The following ADAMTS19 variants were observed in gnomAD, a reference collection of about 807,000 sequenced individuals.
The protein encoded by ADAMTS19 is A disintegrin and metalloproteinase with thrombospondin motifs 19.
A neutral mutation model predicts 153.3 loss-of-function variants in ADAMTS19; 93 were observed. The ratio of observed to expected loss-of-function variants is 0.61; its 90% confidence interval spans 0.51 to 0.72. ADAMTS19 has a LOEUF of 0.72. Ranked by LOEUF, ADAMTS19 falls within the 30% of genes least tolerant of loss-of-function variation. ADAMTS19 has a pLI of 0.00. For missense variants in ADAMTS19, 1,482 were observed against 1,552.1 expected, an observed-to-expected ratio of 0.95 and a Z score of 0.76; for synonymous variants, 600 against 556.6, an observed-to-expected ratio of 1.08 and a Z score of -1.10.
At chr5:129,478,146 A>G (rs956792441) in intron 2 of ADAMTS19, among the ~76,000 whole-genome samples, 1 of 152,214 alleles carries the variant, frequency 6.6e-6, no homozygotes, top group African/African-American at 2.4e-5. Flanking sequence ...TTTGTAGAAA[A>G]CAGCTGACCG....
intron 6 of ADAMTS19, among the ~76,000 whole-genome samples, chr5:129,551,393 A>G (rs891607914): frequency 1.3e-5 from 2 of 151,720 alleles, no homozygotes; most frequent in African/African-American, 2.4e-5. Context: ...TAATAAAATG[A>G]TTATCAGTCT....
chr5:129,615,666 AAG>A (rs1418101506), intron 8 of ADAMTS19, among the ~76,000 whole-genome samples: 5 of 152,028 alleles, frequency 3.3e-5, no homozygotes, highest in Non-Finnish European at 5.9e-5. Context: ...AGCATGGTTT[AAG>A]AGGCAAAGAG....
chr5:129,466,988 G>A (rs1457155094), intron 2 of ADAMTS19, among the ~76,000 whole-genome samples: 1 of 152,112 alleles, frequency 6.6e-6, no homozygotes, highest in African/African-American at 2.4e-5. Flanking sequence ...CAAAATTATA[G>A]CAAAATTTTT....
chr5:129,651,853 T>C (rs2127049786), intron 13 of ADAMTS19, among the ~76,000 whole-genome samples: 1 of 152,308 alleles, frequency 6.6e-6, no homozygotes, highest in Non-Finnish European at 1.5e-5. Context: ...GCCAGTAACT[T>C]TTTATTATAA....
chr5:129,638,576 T>TA (rs989659889), intron 10 of ADAMTS19, among the ~76,000 whole-genome samples: 1 of 75,794 alleles, frequency 1.3e-5, no homozygotes, highest in Non-Finnish European at 2.6e-5. Context: ...CACACACACA[T>TA]ACACACACAC....
At chr5:129,564,498 A>C (rs1753636449) in intron 7 of ADAMTS19, among the ~76,000 whole-genome samples, 1 of 152,212 alleles carries the variant, frequency 6.6e-6, no homozygotes, top group Non-Finnish European at 1.5e-5. Context: ...AATAAGAAGG[A>C]AGAAAATGTT....
chr5:129,612,771 A>T (rs947302660), intron 8 of ADAMTS19, among the ~76,000 whole-genome samples: 3 of 152,168 alleles, frequency 2.0e-5, no homozygotes, highest in African/African-American at 7.2e-5. Context: ...AAGACCCATC[A>T]GTGTGCTGTA....
At chr5:129,671,782 C>G (rs1754313130) in intron 16 of ADAMTS19, among the ~76,000 whole-genome samples, 1 of 151,938 alleles carries the variant, frequency 6.6e-6, no homozygotes, top group Non-Finnish European at 1.5e-5. Context: ...TCAGATAGAC[C>G]TATGTTATAT....
At chr5:129,582,185 G>T (rs746450133) in intron 7 of ADAMTS19, among the ~76,000 whole-genome samples, 2 of 147,706 alleles carry the variant, frequency 1.4e-5, no homozygotes, top group African/African-American at 2.5e-5. Flanking sequence ...ATCTAGTATT[G>T]CCAGTGGGAT....
intron 6 of ADAMTS19, among the ~76,000 whole-genome samples, chr5:129,537,217 C>A (rs1236986996): frequency 6.6e-6 from 1 of 152,004 alleles, no homozygotes; most frequent in Non-Finnish European, 1.5e-5. Flanking sequence ...AAATCAAAAC[C>A]ACAATGAGAT....
At chr5:129,592,254 C>G (rs1376983316) in intron 7 of ADAMTS19, among the ~76,000 whole-genome samples, 3 of 151,674 alleles carry the variant, frequency 2.0e-5, no homozygotes, top group Admixed American at 1.3e-4. Context: ...GTGGCAGGTG[C>G]CTGTAATCCC....
intron 18 of ADAMTS19, among the ~76,000 whole-genome samples, chr5:129,687,410 C>G (rs1169145964): frequency 6.6e-6 from 1 of 152,144 alleles, no homozygotes; most frequent in Non-Finnish European, 1.5e-5. Context: ...GAAGCTGCAT[C>G]AGAAGGAGTT....
At chr5:129,462,611 GTGT>G (rs1749716501) in intron 2 of ADAMTS19, among the ~76,000 whole-genome samples, 3 of 149,530 alleles carry the variant, frequency 2.0e-5, no homozygotes, top group Admixed American at 6.6e-5. Context: ...GTGTGTGTGT[GTGT>G]GTGGGGGGGT....
At chr5:129,655,594 T>C (rs1363990258) in intron 14 of ADAMTS19, among the ~76,000 whole-genome samples, 1 of 152,180 alleles carries the variant, frequency 6.6e-6, no homozygotes, top group African/African-American at 2.4e-5. Flanking sequence ...CCTTTGAGAA[T>C]TTGATGAATT....
intron 7 of ADAMTS19, among the ~76,000 whole-genome samples, chr5:129,567,566 C>T (rs189893402): frequency 3.3e-5 from 5 of 152,158 alleles, no homozygotes; most frequent in East Asian, 3.9e-4. Flanking sequence ...AATAAAATCT[C>T]TCTGGATAAG....
At chr5:129,603,806 A>G (rs934987207) in intron 8 of ADAMTS19, among the ~76,000 whole-genome samples, 1 of 152,212 alleles carries the variant, frequency 6.6e-6, no homozygotes, top group Non-Finnish European at 1.5e-5. Context: ...GCCAAAGCTC[A>G]CACAGCTAAT....
At chr5:129,598,215 C>A (rs923591685) in intron 8 of ADAMTS19, among the ~76,000 whole-genome samples, 1 of 152,156 alleles carries the variant, frequency 6.6e-6, no homozygotes, top group African/African-American at 2.4e-5. Context: ...GCCCATATGG[C>A]AACCATTCCT....
chr5:129,578,041 TACACACACACACACACACACAC>T (rs748371915), intron 7 of ADAMTS19, among the ~76,000 whole-genome samples: 1 of 98,576 alleles, frequency 1.0e-5, no homozygotes. Flanking sequence ...CAAACTTACA[TACACACACACACACACACACAC>T]ACACACACAC....
At chr5:129,569,502 A>G (rs1432238540) in intron 7 of ADAMTS19, among the ~76,000 whole-genome samples, 1 of 152,104 alleles carries the variant, frequency 6.6e-6, no homozygotes, top group Non-Finnish European at 1.5e-5. Context: ...CCACCCAACC[A>G]TAGCAAAATA....
Sources: gnomAD v4.1 joint callset for allele counts (sites outside exome capture counted in the v4.1 genomes callset) on GRCh38, gnomAD v4.1.1 for gene constraint, MANE v1.5 for transcripts, NCBI Gene and HGNC (gene_info 2026-07-23, HGNC 2026-07-21) for gene names.